The following PPHLN1 variants were observed in gnomAD, a reference collection of about 807,000 sequenced individuals.
PPHLN1 encodes periphilin 1.
PPHLN1 carries 29 observed loss-of-function variants against 51.3 expected under a neutral mutation model. That is an observed-to-expected ratio of 0.57 (90% confidence interval 0.42 to 0.77). The LOEUF (loss-of-function observed/expected upper bound fraction) is 0.77, where lower values mean the gene tolerates loss of function less well. PPHLN1 is among the 30% of genes least tolerant of loss of function. The pLI is 0.00. For synonymous variants in PPHLN1, 147 were observed against 147.8 expected (o/e 0.99, Z 0.04); for missense variants, 436 against 438.4 (o/e 0.99, Z 0.05).
intron 2 of PPHLN1, among the ~76,000 whole-genome samples, chr12:42,346,245 C>T (rs760938025): frequency 7.9e-5 from 12 of 152,092 alleles, no homozygotes; most frequent in Admixed American, 2.6e-4. Flanking sequence ...TTCCCCTACC[C>T]GTGGTAACCA....
intron 5 of PPHLN1, among the ~76,000 whole-genome samples, chr12:42,382,252 G>C (rs971954323): frequency 2.0e-5 from 3 of 152,130 alleles, no homozygotes; most frequent in Non-Finnish European, 4.4e-5. Flanking sequence ...TGCTTCTCCA[G>C]CTTTTGATTT....
chr12:42,428,112 A>G (rs756312457), intron 9 of PPHLN1, among the ~76,000 whole-genome samples: 1 of 152,162 alleles, frequency 6.6e-6, no homozygotes, highest in Non-Finnish European at 1.5e-5. Context: ...AAAACAGTAG[A>G]TGTTTGGCAT....
At chr12:42,396,497 A>T (rs1347868522) in intron 8 of PPHLN1, among the ~76,000 whole-genome samples, 6 of 151,920 alleles carry the variant, frequency 3.9e-5, no homozygotes, top group African/African-American at 1.2e-4. Context: ...TGTCAGAATG[A>T]AAAGAAAATT....
intron 9 of PPHLN1, among the ~76,000 whole-genome samples, chr12:42,428,768 A>G (rs2081745530): frequency 6.6e-6 from 1 of 151,936 alleles, no homozygotes; most frequent in Non-Finnish European, 1.5e-5. Flanking sequence ...CCAATAACCA[A>G]TGGAAAGTTT....
chr12:42,339,084 T>C (rs557383560), intron 2 of PPHLN1, among the ~76,000 whole-genome samples: 1 of 152,328 alleles, frequency 6.6e-6, no homozygotes, highest in South Asian at 2.1e-4. Flanking sequence ...GGTAGGGAGA[T>C]ATTGTCCTTA....
intron 9 of PPHLN1, among the ~76,000 whole-genome samples, chr12:42,413,401 C>G (rs1395463066): frequency 6.6e-6 from 1 of 151,982 alleles, no homozygotes; most frequent in East Asian, 1.9e-4. Flanking sequence ...TTTTTGTATG[C>G]TTTGTTGAAG....
At chr12:42,446,032 C>T, downstream of PPHLN1, 1 of 1,550,222 alleles carries the variant, frequency 6.5e-7, no homozygotes, top group Non-Finnish European at 8.7e-7. Context: ...TAGGACCCAA[C>T]CAAGTACCAG....
At chr12:42,446,592 G>A (rs767571596), downstream of PPHLN1, 30 of 1,613,036 alleles carry the variant, frequency 1.9e-5, no homozygotes, top group African/African-American at 2.7e-5. Flanking sequence ...CTAATTCTAG[G>A]ATGTAAAGCC....
intron 9 of PPHLN1, chr12:42,399,698 C>G (rs1447250574): frequency 6.5e-6 from 1 of 152,774 alleles, no homozygotes; most frequent in Non-Finnish European, 1.5e-5. Context: ...TCAATTAAAT[C>G]CGTTTCCTTT....
intron 2 of PPHLN1, among the ~76,000 whole-genome samples, chr12:42,340,073 G>A (rs920695908): frequency 1.3e-4 from 20 of 152,192 alleles, no homozygotes; most frequent in African/African-American, 4.6e-4. Context: ...TTGGGAGTCC[G>A]AGGTAGGAGG....
chr12:42,444,891 G>T (rs558679432), downstream of PPHLN1: 12 of 577,852 alleles, frequency 2.1e-5, no homozygotes, highest in African/African-American at 2.3e-4. Flanking sequence ...TGGAAAAGCG[G>T]CTATCTGGTG....
At chr12:42,346,050 CAT>C (rs1171744361) in intron 2 of PPHLN1, among the ~76,000 whole-genome samples, 3 of 152,108 alleles carry the variant, frequency 2.0e-5, no homozygotes, top group African/African-American at 4.8e-5. Context: ...AGGAGACAAA[CAT>C]ATTCATCATC....
At chr12:42,360,681 G>A (rs1289357347) in intron 4 of PPHLN1, among the ~76,000 whole-genome samples, 4 of 151,836 alleles carry the variant, frequency 2.6e-5, no homozygotes, top group Non-Finnish European at 5.9e-5. Context: ...TTTTAGTAGA[G>A]ACGAGGTTTC....
chr12:42,375,723 C>G (rs768485162), intron 5 of PPHLN1, among the ~76,000 whole-genome samples: 1 of 151,868 alleles, frequency 6.6e-6, no homozygotes, highest in Non-Finnish European at 1.5e-5. Flanking sequence ...ATGCCTGAAC[C>G]TACATGACAT....
intron 2 of PPHLN1, chr12:42,350,196 A>G (rs1162902145): frequency 7.4e-6 from 1 of 135,422 alleles, no homozygotes; most frequent in Non-Finnish European, 1.5e-5. Context: ...GGCGCCCCTC[A>G]CCTCCCAGAC....
At chr12:42,399,340 T>A in intron 9 of PPHLN1, 1 of 848,496 alleles carries the variant, frequency 1.2e-6, no homozygotes, top group Non-Finnish European at 1.4e-6. Flanking sequence ...AATATTGGGA[T>A]TACAGATGTT....
chr12:42,388,860 T>G (rs938713836), intron 7 of PPHLN1, among the ~76,000 whole-genome samples: 13 of 152,198 alleles, frequency 8.5e-5, no homozygotes, highest in African/African-American at 3.1e-4. Flanking sequence ...GAGGATCACT[T>G]GAGCCCAGGA....
At chr12:42,403,132 T>C (rs886334652) in intron 9 of PPHLN1, among the ~76,000 whole-genome samples, 1 of 152,208 alleles carries the variant, frequency 6.6e-6, no homozygotes, top group Non-Finnish European at 1.5e-5. Flanking sequence ...GATCTAAGCA[T>C]TTCATAGTAA....
downstream of PPHLN1, chr12:42,446,085 C>A (rs2083302211): frequency 1.9e-6 from 3 of 1,551,434 alleles, no homozygotes; most frequent in Non-Finnish European, 8.7e-7. Context: ...CCCCCGCAGG[C>A]CCCGCAGCCC....
Sources: gnomAD v4.1 joint callset for allele counts (sites outside exome capture counted in the v4.1 genomes callset) on GRCh38, gnomAD v4.1.1 for gene constraint, MANE v1.5 for transcripts, NCBI Gene and HGNC (gene_info 2026-07-23, HGNC 2026-07-21) for gene names.